The following TTC7A variants were observed in gnomAD, a reference collection of about 807,000 sequenced individuals.
The protein encoded by TTC7A is tetratricopeptide repeat protein 7A.
Under a neutral mutation model 103.7 loss-of-function variants are expected in TTC7A, and 110 were observed. That is an observed-to-expected ratio of 1.06 (90% CI 0.91 to 1.24). TTC7A has a LOEUF of 1.24. TTC7A is among the 50% of genes most tolerant of loss of function. The pLI is 0.00. For synonymous variants in TTC7A, 521 were observed against 467.9 expected (o/e 1.11, Z -1.47); for missense variants, 1,340 against 1,116.3 (o/e 1.20, Z -2.86).
In TTC7A at chr2:46,958,692, G is replaced by A. The variant is rs182907242; in HGVS notation, c.517+1685G>A. Reference sequence around the variant, plus strand: ...CTCCCTGTCCTGCTGCAGTGACCACGCCTGCTGCCCGGCATGCTGAGGTTT... The same window carrying A: ...CTCCCTGTCCTGCTGCAGTGACCACACCTGCTGCCCGGCATGCTGAGGTTT... On this transcript the variant is annotated intron_variant, in intron 3 of 19. Transcript: ENST00000319190. 2.1e-3 allele frequency: 1,012 copies of A among 487,428 alleles called. 2 individuals carry two copies. Among genetic ancestry groups the A allele is most frequent in the Non-Finnish European group, 2.6e-3 (769 of 293,122 alleles). The allele number at this position is 487,428 out of a possible 1,614,324, so 30.2% of individuals were successfully genotyped here.
chr2:47,010,016 ACCT>A (rs1294774006), intron 10 of TTC7A, among the ~76,000 whole-genome samples: 1 of 151,814 alleles, frequency 6.6e-6, no homozygotes, highest in Non-Finnish European at 1.5e-5. Flanking sequence ...CTACGTTCAA[ACCT>A]CAGCTCAGCC....
intron 19 of TTC7A, among the ~76,000 whole-genome samples, chr2:47,073,405 CCAAA>C (rs969674430): frequency 3.9e-5 from 6 of 152,274 alleles, no homozygotes; most frequent in South Asian, 2.1e-4. Flanking sequence ...CTAGGATCCC[CCAAA>C]CAGTGTGACA....
chr2:46,993,614 G>A, intron 6 of TTC7A, 86 bp downstream of exon 6: 1 of 1,272,260 alleles, frequency 7.9e-7, no homozygotes, highest in Non-Finnish European at 1.1e-6. Context: ...AGCCTGTGAA[G>A]CAGGGGTGGC....
chr2:47,025,378 C>T (rs1238595467), intron 14 of TTC7A, among the ~76,000 whole-genome samples: 2 of 152,168 alleles, frequency 1.3e-5, no homozygotes, highest in Non-Finnish European at 2.9e-5. Context: ...CTAGGTACCC[C>T]GCTCCCCTGA....
At chr2:46,992,702 G>A (rs1014521015) in intron 5 of TTC7A, among the ~76,000 whole-genome samples, 27 of 152,222 alleles carry the variant, frequency 1.8e-4, no homozygotes, top group Admixed American at 6.5e-5. Context: ...TTCACATTGT[G>A]GGCCACAGCC....
At chr2:46,933,263 G>C (rs1001788252) in intron 2 of TTC7A, among the ~76,000 whole-genome samples, 2 of 152,212 alleles carry the variant, frequency 1.3e-5, no homozygotes, top group African/African-American at 4.8e-5. Context: ...GGAGGGCAGT[G>C]CCTGGAGAGA....
chr2:46,927,704 A>G (rs1007494096), intron 2 of TTC7A, among the ~76,000 whole-genome samples: 7 of 152,050 alleles, frequency 4.6e-5, no homozygotes, highest in Admixed American at 1.3e-4. Context: ...CTGACTTCTC[A>G]CAACAGGAAC....
At chr2:47,029,457 C>A (rs1680285875) in intron 15 of TTC7A, 73 bp downstream of exon 15, 1 of 1,527,486 alleles carries the variant, frequency 6.5e-7, no homozygotes, top group South Asian at 1.1e-5. Context: ...TGCACACCTG[C>A]CCTGCCATGG....
intron 5 of TTC7A, among the ~76,000 whole-genome samples, chr2:46,989,075 C>T (rs1275099444): frequency 2.0e-5 from 3 of 152,216 alleles, no homozygotes; most frequent in South Asian, 2.1e-4. Context: ...CTCCGCGAAA[C>T]GTGTAGCACT....
At chr2:46,930,114 TAAGTA>T (rs1162265349) in intron 2 of TTC7A, among the ~76,000 whole-genome samples, 1 of 152,218 alleles carries the variant, frequency 6.6e-6, no homozygotes, top group Non-Finnish European at 1.5e-5. Flanking sequence ...TACTGTTATT[TAAGTA>T]CAGAAGAAAC....
intron 16 of TTC7A, 66 bp from the exon 17 acceptor site, chr2:47,049,883 A>T: frequency 8.2e-7 from 1 of 1,213,884 alleles, no homozygotes; most frequent in Non-Finnish European, 1.2e-6. Flanking sequence ...CTGGCCCTCT[A>T]CCTCACTGGG....
intron 5 of TTC7A, among the ~76,000 whole-genome samples, chr2:46,992,159 G>A (rs1010643690): frequency 6.6e-6 from 1 of 152,204 alleles, no homozygotes; most frequent in African/African-American, 2.4e-5. Context: ...GGTGTGATCC[G>A]GGGAACCCCC....
chr2:46,980,259 A>G (rs1268502791), intron 5 of TTC7A, among the ~76,000 whole-genome samples: 1 of 138,670 alleles, frequency 7.2e-6, no homozygotes, highest in Non-Finnish European at 1.5e-5. Context: ...TTACTCTGAC[A>G]TCCAGGCTGG....
chr2:47,031,530 CTT>C (rs1680539611), intron 15 of TTC7A, among the ~76,000 whole-genome samples: 1 of 152,190 alleles, frequency 6.6e-6, no homozygotes, highest in African/African-American at 2.4e-5. Flanking sequence ...GGAAAGGGCT[CTT>C]TGTCCACCCT....
At chr2:46,999,866 G>A in intron 8 of TTC7A, 1 of 985,448 alleles carries the variant, frequency 1.0e-6, no homozygotes, top group Non-Finnish European at 1.2e-6. Context: ...AGGGTACAGA[G>A]CCCTGGTGTT....
intron 5 of TTC7A, among the ~76,000 whole-genome samples, chr2:46,983,587 C>G (rs1232259281): frequency 6.6e-6 from 1 of 152,238 alleles, no homozygotes; most frequent in East Asian, 1.9e-4. Context: ...GGGGTCACCA[C>G]TTTAACTCCT....
rs558974626 is a variant in TTC7A, at chr2:47,007,965, G to T, written c.1287+1241G>T. Among the ~76,000 whole-genome samples, 7 of 152,348 alleles carry T rather than the reference G, an allele frequency of 4.6e-5. No individual in the cohort carries two copies. In the East Asian group the frequency reaches 1.2e-3, roughly 25 times the overall value. ...AGAGAAACCCTCCTACAGAACTGCA[G>T]GCAAAGGAGACAATGTGGGCAACGG... is the stretch of plus-strand genomic sequence containing the variant. On this transcript the variant is annotated intron_variant, in intron 10 of 19. Transcript: ENST00000319190. This position sits in a 1 kb window ranked among gnomAD's most constrained non-coding sequence, Gnocchi z 4.9.
intron 18 of TTC7A, among the ~76,000 whole-genome samples, chr2:47,058,803 A>ATG (rs1054257737): frequency 3.3e-5 from 5 of 151,878 alleles, no homozygotes; most frequent in African/African-American, 4.8e-5. Context: ...TGGGTCTGAA[A>ATG]TGTGTGTGTG....
chr2:46,955,675 T>C (rs1452481404), intron 2 of TTC7A, among the ~76,000 whole-genome samples: 1 of 152,194 alleles, frequency 6.6e-6, no homozygotes, highest in Non-Finnish European at 1.5e-5. Context: ...AGAGCCTGTC[T>C]GTGCCACGCT....
Sources: gnomAD v4.1 joint callset for allele counts (sites outside exome capture counted in the v4.1 genomes callset) on GRCh38, gnomAD v4.1.1 for gene constraint, Gnocchi (gnomAD v3.1) non-coding constraint, MANE v1.5 for transcripts, NCBI Gene and HGNC (gene_info 2026-07-23, HGNC 2026-07-21) for gene names.